The following TXNDC16 variants were observed in gnomAD, a reference collection of about 807,000 sequenced individuals.
The protein encoded by TXNDC16 is thioredoxin domain containing 16, also known as thioredoxin domain-containing protein 16.
TXNDC16 carries 74 observed loss-of-function variants against 85.6 expected under a neutral mutation model. The ratio of observed to expected loss-of-function variants is 0.86; its 90% CI spans 0.72 to 1.05. TXNDC16 has a LOEUF of 1.05. TXNDC16 is among the 50% of genes least tolerant of loss of function. TXNDC16 has a pLI of 0.00. For missense variants in TXNDC16, 959 were observed against 947.0 expected (o/e 1.01, Z -0.17); for synonymous variants, 335 against 326.5 (o/e 1.03, Z -0.28).
chr14:52,444,930 G>A (rs2035243886), intron 18 of TXNDC16, among the ~76,000 whole-genome samples: 1 of 152,068 alleles, frequency 6.6e-6, no homozygotes, highest in African/African-American at 2.4e-5. Context: ...CAACCATCAA[G>A]AGGAAATGGG....
At chr14:52,465,319 G>A (rs1189897208) in intron 16 of TXNDC16, among the ~76,000 whole-genome samples, 1 of 152,138 alleles carries the variant, frequency 6.6e-6, no homozygotes, top group African/African-American at 2.4e-5. Flanking sequence ...TTGGCCAGGC[G>A]CAGTGGCTCA....
Position 52,432,196 on chromosome 14 carries a change from A to T in TXNDC16, c.*108T>A. The stretch of plus-strand genomic sequence containing the variant: ...AATATGTGACTTATATTATAATTCT[A>T]TTGGATGGCACTAGTCTGCAAACTT... On this transcript the variant is annotated 3_prime_UTR_variant, in exon 21 of 21. Coordinates refer to ENST00000281741, the MANE Select transcript of TXNDC16 (RefSeq NM_020784.3). 1.1e-6 allele frequency: 1 copy of T among 902,082 alleles called. No individual in the cohort carries two copies. The highest frequency in any genetic ancestry group is 1.7e-5 in the African/African-American group (1 of 58,226). The allele number at this position is 902,082 out of a possible 1,614,324, so 55.9% of individuals were successfully genotyped here.
intron 18 of TXNDC16, 135 bp from the exon 19 acceptor site, chr14:52,440,859 T>C (rs2035148918): frequency 5.6e-6 from 4 of 719,060 alleles, no homozygotes; most frequent in Non-Finnish European, 8.7e-6. Context: ...TAAGTAGAGA[T>C]TTTACTATAT....
intron 6 of TXNDC16, among the ~76,000 whole-genome samples, chr14:52,531,199 A>T (rs562476602): frequency 2.8e-4 from 43 of 152,294 alleles, no homozygotes; most frequent in Admixed American, 6.5e-4. Context: ...GAACAACAGG[A>T]ACTTTCATTC....
At chr14:52,546,231 T>C (rs1291668211) in intron 1 of TXNDC16, among the ~76,000 whole-genome samples, 2 of 152,072 alleles carry the variant, frequency 1.3e-5, no homozygotes, top group Non-Finnish European at 2.9e-5. Context: ...GCCATGATCA[T>C]GCCACTGCAC....
intron 13 of TXNDC16, 58 bp from the exon 14 acceptor site, chr14:52,482,347 C>T: frequency 7.3e-7 from 1 of 1,371,750 alleles, no homozygotes; most frequent in African/African-American, 1.4e-5. Context: ...AGCATCCACA[C>T]TGATATGTAA....
intron 9 of TXNDC16, among the ~76,000 whole-genome samples, chr14:52,504,682 C>T (rs1353221313): frequency 6.6e-6 from 1 of 152,210 alleles, no homozygotes; most frequent in African/African-American, 2.4e-5. Context: ...AAATAACCAG[C>T]TAACATCATA....
intron 9 of TXNDC16, among the ~76,000 whole-genome samples, chr14:52,504,546 G>C (rs1371824638): frequency 1.3e-5 from 2 of 152,134 alleles, no homozygotes; most frequent in African/African-American, 4.8e-5. Context: ...CACCAGGCCT[G>C]CCCTAAAAGA....
At position 52,486,847 on chromosome 14, in the gene TXNDC16, T is replaced by C. The variant is rs1456799469; in HGVS notation, c.1108+1516A>G. Among the ~76,000 whole-genome samples, 6 of 152,102 alleles carry C rather than the reference T, an allele frequency of 3.9e-5. No homozygotes were observed. The East Asian group carries it at 9.6e-4, about 24-fold the overall frequency. On this transcript the variant is annotated intron_variant, in intron 12 of 20. Coordinates refer to ENST00000281741, the MANE Select transcript of TXNDC16 (RefSeq NM_020784.3). The stretch of plus-strand genomic sequence containing the variant: ...GAATGTTTCCAACACAAAGAAACGA[T>C]AAATGTTTGAAATGATGGATACACT...
rs759182560 is a variant in TXNDC16 at position 52,432,328 on chromosome 14, CTCTT to C, written c.2450_2453del (p.Lys817SerfsTer2). 1 of 1,612,712 alleles carries C rather than the reference CTCTT, an allele frequency of 6.2e-7. No homozygotes were observed. The highest frequency in any genetic ancestry group is 8.5e-7 in the Non-Finnish European group (1 of 1,179,450). ...ATTAGTTCACTTTTGAGCATCCTAA[CTCTT>C]TATCACGTCTAAATGATTTTTCTGC... On this transcript the variant is annotated frameshift_variant, in exon 21 of 21. Coordinates refer to ENST00000281741, the MANE Select transcript of TXNDC16 (RefSeq NM_020784.3). LOFTEE classifies it high-confidence loss of function.
intron 6 of TXNDC16, among the ~76,000 whole-genome samples, chr14:52,521,707 T>A (rs962408951): frequency 1.3e-5 from 2 of 152,218 alleles, no homozygotes; most frequent in Non-Finnish European, 2.9e-5. Flanking sequence ...ATGTAAAACT[T>A]GATCTTCTAT....
intron 14 of TXNDC16, among the ~76,000 whole-genome samples, chr14:52,475,362 C>T (rs528160828): frequency 2.9e-4 from 44 of 152,174 alleles, no homozygotes; most frequent in Non-Finnish European, 6.0e-4. Flanking sequence ...GCAGACTCCA[C>T]AGGCTGGGGA....
chr14:52,497,204 C>G (rs930843925), intron 9 of TXNDC16, among the ~76,000 whole-genome samples: 1 of 151,978 alleles, frequency 6.6e-6, no homozygotes, highest in African/African-American at 2.4e-5. Flanking sequence ...CTATTATGAG[C>G]AATTATATGC....
At chr14:52,542,988 G>A (rs955011345) in intron 3 of TXNDC16, among the ~76,000 whole-genome samples, 4 of 152,022 alleles carry the variant, frequency 2.6e-5, no homozygotes, top group Middle Eastern at 3.2e-3. Flanking sequence ...AGCTAAAGCA[G>A]GGTATTAATC....
chr14:52,470,195 T>C, intron 15 of TXNDC16, 22 bp from the exon 16 acceptor site: 1 of 1,532,590 alleles, frequency 6.5e-7, no homozygotes, highest in South Asian at 1.3e-5. Context: ...TATAACTATA[T>C]TACAAATTAA....
intron 6 of TXNDC16, among the ~76,000 whole-genome samples, chr14:52,526,053 T>G (rs1369853426): frequency 6.6e-6 from 1 of 152,158 alleles, no homozygotes; most frequent in East Asian, 1.9e-4. Flanking sequence ...CGCTTATGGT[T>G]GAATCCACAG....
intron 18 of TXNDC16, among the ~76,000 whole-genome samples, chr14:52,454,649 C>CAAAAAAAAAA (rs34727206): frequency 1.6e-3 from 97 of 60,038 alleles, no homozygotes; most frequent in East Asian, 2.2e-3. Context: ...ACTAAAAATA[C>CAAAAAAAAAA]AAAAAAAAAA....
chr14:52,447,601 A>C (rs1228188406), intron 18 of TXNDC16, among the ~76,000 whole-genome samples: 2 of 152,166 alleles, frequency 1.3e-5, no homozygotes, highest in South Asian at 4.1e-4. Flanking sequence ...GGAGAAAGTA[A>C]GAGAAGAGAA....
chr14:52,455,577 G>A, intron 17 of TXNDC16, 115 bp from the exon 18 acceptor site: 2 of 1,184,308 alleles, frequency 1.7e-6, no homozygotes, highest in East Asian at 2.5e-5. Context: ...CTACTGCTAA[G>A]GAAAAAAATG....
Sources: allele counts gnomAD v4.1 joint callset (sites outside exome capture counted in the v4.1 genomes callset), GRCh38; gene constraint gnomAD v4.1.1; transcripts MANE v1.5; gene names NCBI Gene and HGNC (gene_info 2026-07-23, HGNC 2026-07-21).